CDH13: variants seen among roughly 807,000 people sequenced by gnomAD.
CDH13 encodes cadherin 13.
CDH13 carries 24 observed loss-of-function variants against 63.8 expected under a neutral mutation model. The observed-to-expected ratio is 0.38, with a 90% CI of 0.27 to 0.53. The LOEUF (loss-of-function observed/expected upper bound fraction) is 0.53, where lower values mean the gene tolerates loss of function less well. Among genes scored for constraint, CDH13 ranks in the 20% least tolerant of loss-of-function variants. The pLI is 0.85. For synonymous variants in CDH13, 503 were observed against 355.3 expected (o/e 1.42, Z -4.67); for missense variants, 1,049 against 903.1 (o/e 1.16, Z -2.07).
chr16:83,194,085 C>T (rs1004289628), intron 4 of CDH13, among the ~76,000 whole-genome samples: 1 of 152,202 alleles, frequency 6.6e-6, no homozygotes. Flanking sequence ...CTGTGCCTTA[C>T]AATTTTCAAG....
At chr16:83,073,808 A>C (rs1237684025) in intron 3 of CDH13, among the ~76,000 whole-genome samples, 1 of 152,118 alleles carries the variant, frequency 6.6e-6, no homozygotes, top group East Asian at 1.9e-4. Flanking sequence ...TATAATATAC[A>C]GTACAGCATA....
At chr16:83,486,715 G>A in intron 7 of CDH13, 60 bp downstream of exon 7, 1 of 1,479,886 alleles carries the variant, frequency 6.8e-7, no homozygotes, top group Non-Finnish European at 9.4e-7. Context: ...TTCATGCAAG[G>A]GATGATGTGG....
At chr16:83,207,606 C>T (rs568400322) in intron 4 of CDH13, among the ~76,000 whole-genome samples, 9 of 152,034 alleles carry the variant, frequency 5.9e-5, no homozygotes, top group Non-Finnish European at 1.3e-4. Flanking sequence ...TTCCGTGTGT[C>T]TATGGGTCAC....
intron 4 of CDH13, among the ~76,000 whole-genome samples, chr16:83,183,252 G>C (rs1204186086): frequency 6.6e-6 from 1 of 152,218 alleles, no homozygotes; most frequent in Non-Finnish European, 1.5e-5. Flanking sequence ...AAGTATCGTT[G>C]ATATTAGTCA....
chr16:83,734,638 C>T (rs1045156663), intron 10 of CDH13, among the ~76,000 whole-genome samples: 10 of 151,086 alleles, frequency 6.6e-5, no homozygotes, highest in South Asian at 2.1e-4. Flanking sequence ...TGCTAAATGA[C>T]GAGTTAATGG....
At chr16:82,701,972 A>G (rs2031066128) in intron 1 of CDH13, among the ~76,000 whole-genome samples, 1 of 152,160 alleles carries the variant, frequency 6.6e-6, no homozygotes, top group South Asian at 2.1e-4. Flanking sequence ...CTGTTCTTGG[A>G]GCAAGGACAT....
intron 4 of CDH13, among the ~76,000 whole-genome samples, chr16:83,203,712 A>T (rs868102947): frequency 6.6e-6 from 1 of 151,698 alleles, no homozygotes; most frequent in African/African-American, 2.4e-5. Context: ...AGCAAAATCT[A>T]TACACTAATA....
chr16:83,265,622 CTTTGT>C (rs1472913204), intron 5 of CDH13, among the ~76,000 whole-genome samples: 1 of 147,852 alleles, frequency 6.8e-6, no homozygotes, highest in Non-Finnish European at 1.5e-5. Flanking sequence ...TTATAGTAAT[CTTTGT>C]TTTGTGAATA....
At chr16:82,698,533 G>C (rs999337859) in intron 1 of CDH13, among the ~76,000 whole-genome samples, 1 of 152,196 alleles carries the variant, frequency 6.6e-6, no homozygotes, top group African/African-American at 2.4e-5. Context: ...ATTTGAGGTG[G>C]GCTTTGCTCC....
At chr16:82,960,479 T>C (rs954085821) in intron 2 of CDH13, among the ~76,000 whole-genome samples, 14 of 152,070 alleles carry the variant, frequency 9.2e-5, no homozygotes, top group Admixed American at 5.2e-4. Context: ...CAAGGGGAGA[T>C]GTGGGAAGCT....
chr16:83,025,292 T>C (rs1366204203), intron 2 of CDH13, among the ~76,000 whole-genome samples: 1 of 152,202 alleles, frequency 6.6e-6, no homozygotes, highest in African/African-American at 2.4e-5. Context: ...ATTAGTCCAT[T>C]CTCATGCTAC....
intron 1 of CDH13, among the ~76,000 whole-genome samples, chr16:82,672,698 A>G (rs1008558386): frequency 7.3e-5 from 11 of 151,528 alleles, no homozygotes; most frequent in African/African-American, 2.7e-4. Flanking sequence ...ACTGTTCTCC[A>G]TAGAATTCCT....
Position 83,476,159 on chromosome 16 carries a change from A to G in CDH13, c.782-10318A>G, listed in dbSNP as rs146328855. On this transcript the variant is annotated intron_variant, in intron 6 of 13. Transcript: ENST00000567109. ...GGCAAATGTTTACTAGACTCTTAAT[A>G]CATGCAAAGCATTATTCTGGTGCCT... 3.8e-3 allele frequency among the ~76,000 whole-genome samples: 582 copies of G among 152,338 alleles called. 9 individuals carry two copies. The highest frequency in any genetic ancestry group is 0.013 in the African/African-American group (558 of 41,584).
At chr16:83,560,899 G>C (rs923473523) in intron 7 of CDH13, among the ~76,000 whole-genome samples, 145 of 148,578 alleles carry the variant, frequency 9.8e-4, no homozygotes, top group Middle Eastern at 3.5e-3. Context: ...CATAAGGTTG[G>C]CCCCCCCCCC....
At chr16:83,081,540 A>G (rs1005018392) in intron 3 of CDH13, among the ~76,000 whole-genome samples, 1 of 152,232 alleles carries the variant, frequency 6.6e-6, no homozygotes, top group African/African-American at 2.4e-5. Context: ...AATACCAGTG[A>G]CTGGGTAGTA....
chr16:83,079,133 C>T (rs1278801638), intron 3 of CDH13, among the ~76,000 whole-genome samples: 1 of 152,094 alleles, frequency 6.6e-6, no homozygotes, highest in Non-Finnish European at 1.5e-5. Context: ...TCCACATTCC[C>T]CAGGTAGTTG....
At chr16:82,818,355 C>G (rs78809540) in intron 1 of CDH13, among the ~76,000 whole-genome samples, 6,402 of 152,136 alleles carry the variant, frequency 0.042, 414 homozygotes, top group African/African-American at 0.14. Flanking sequence ...CCACTTTCTT[C>G]CAATGCTTAA....
chr16:83,773,729 A>G lies in CDH13; in HGVS notation c.1682-6239A>G, dbSNP rs536799416. On this transcript the variant is annotated intron_variant, in intron 11 of 13. Transcript: ENST00000567109. ...GGTTATGGCCCTCTTGGTCAAGCCTATCTATCCTTAGGAGGTAAGGAAGTT... is the reference window on the plus strand; with the variant it reads ...GGTTATGGCCCTCTTGGTCAAGCCTGTCTATCCTTAGGAGGTAAGGAAGTT... Among the ~76,000 whole-genome samples the G allele has an allele frequency of 4.3e-4, 65 of 152,256 alleles. No homozygotes were observed. The South Asian group carries it at 0.012, about 27-fold the overall frequency.
intron 5 of CDH13, among the ~76,000 whole-genome samples, chr16:83,293,225 A>C (rs2089506071): frequency 6.6e-6 from 1 of 152,230 alleles, no homozygotes; most frequent in African/African-American, 2.4e-5. Context: ...AAGAGGTCAG[A>C]GACTGGTCTG....
Sources: allele counts gnomAD v4.1 joint callset (sites outside exome capture counted in the v4.1 genomes callset), GRCh38; gene constraint gnomAD v4.1.1; transcripts MANE v1.5; gene names NCBI Gene and HGNC (gene_info 2026-07-23, HGNC 2026-07-21).